Variants in CDH17 observed in about 807,000 individuals in gnomAD.
CDH17 encodes the protein cadherin 17.
CDH17 carries 67 observed loss-of-function variants against 86.3 expected under a neutral mutation model. The ratio of observed to expected loss-of-function variants is 0.78; its 90% CI spans 0.64 to 0.95. CDH17 has a LOEUF of 0.95. Among genes scored for constraint, CDH17 ranks in the 40% least tolerant of loss-of-function variants. The pLI is 0.00. For synonymous variants in CDH17, 367 were observed against 366.4 expected (o/e 1.00, Z -0.02); for missense variants, 993 against 1,017.6 (o/e 0.98, Z 0.33).
chr8:94,193,952 A>AG (rs994960037), intron 2 of CDH17, among the ~76,000 whole-genome samples: 5 of 143,618 alleles, frequency 3.5e-5, no homozygotes, highest in African/African-American at 1.2e-4. Context: ...AAAAAAAAAA[A>AG]AGAGAGCAAA....
intron 17 of CDH17, among the ~76,000 whole-genome samples, chr8:94,129,439 G>A (rs1158068628): frequency 6.6e-6 from 1 of 152,140 alleles, no homozygotes; most frequent in African/African-American, 2.4e-5. Flanking sequence ...CCAGACTGAA[G>A]GGTATAAAGA....
At position 94,127,307 on chromosome 8, in the gene CDH17, A is replaced by C. The variant is rs761128102; in HGVS notation, c.*933T>G. ...AAGAAAACATGCGCAGCATGTATGC[A>C]TGGCAGGTAGTGAGGAAATCTGGCC... On this transcript the variant is annotated 3_prime_UTR_variant, in exon 18 of 18. Transcript: ENST00000027335. The C allele has an allele frequency of 6.6e-6, 1 of 152,274 alleles. No individual in the cohort carries two copies. Among genetic ancestry groups the C allele is most frequent in the Non-Finnish European group, 1.5e-5 (1 of 68,050 alleles). The allele number at this position is 152,274 out of a possible 1,614,324, so 9.4% of individuals were successfully genotyped here.
intron 9 of CDH17, among the ~76,000 whole-genome samples, chr8:94,169,935 T>A (rs1280201583): frequency 6.6e-6 from 1 of 152,190 alleles, no homozygotes; most frequent in South Asian, 2.1e-4. Context: ...GGGTCAAAAG[T>A]CAACTTCCAT....
At chr8:94,185,699 T>TAA (rs138513390) in intron 3 of CDH17, among the ~76,000 whole-genome samples, 5 of 151,702 alleles carry the variant, frequency 3.3e-5, no homozygotes, top group African/African-American at 1.2e-4. Context: ...AGCTTGTAAT[T>TAA]AAAAAAAAAC....
At chr8:94,163,123 C>T (rs538250010) in intron 10 of CDH17, among the ~76,000 whole-genome samples, 8 of 152,308 alleles carry the variant, frequency 5.3e-5, no homozygotes, top group South Asian at 2.1e-4. Flanking sequence ...ATTGTTTACC[C>T]GAGTTACTCA....
At chr8:94,171,663 A>G (rs1813271094) in intron 7 of CDH17, among the ~76,000 whole-genome samples, 1 of 152,204 alleles carries the variant, frequency 6.6e-6, no homozygotes, top group African/African-American at 2.4e-5. Context: ...AATTCTAAAC[A>G]TATTTATGTG....
chr8:94,164,682 C>T (rs1386980894), intron 10 of CDH17, among the ~76,000 whole-genome samples: 1 of 152,170 alleles, frequency 6.6e-6, no homozygotes, highest in Non-Finnish European at 1.5e-5. Flanking sequence ...CTTGTTTGTT[C>T]TCCATACCTG....
intron 12 of CDH17, among the ~76,000 whole-genome samples, chr8:94,158,275 G>A (rs757810616): frequency 1.3e-5 from 2 of 152,080 alleles, no homozygotes; most frequent in Non-Finnish European, 2.9e-5. Flanking sequence ...GTAAGGATGT[G>A]ACAAAGAGTT....
At chr8:94,155,279 C>G (rs907646905) in intron 12 of CDH17, among the ~76,000 whole-genome samples, 5 of 151,870 alleles carry the variant, frequency 3.3e-5, no homozygotes, top group African/African-American at 1.2e-4. Flanking sequence ...GGAGAACAAG[C>G]TGGAGTTTCT....
intron 3 of CDH17, among the ~76,000 whole-genome samples, chr8:94,187,480 G>A (rs773067598): frequency 7.2e-5 from 11 of 152,308 alleles, no homozygotes; most frequent in Non-Finnish European, 1.6e-4. Flanking sequence ...ATAAAAGAAA[G>A]TCTGTGAGAA....
At chr8:94,128,914 A>ATACATCAAAAT (rs1413272435) in intron 17 of CDH17, among the ~76,000 whole-genome samples, 3 of 152,240 alleles carry the variant, frequency 2.0e-5, no homozygotes, top group Admixed American at 2.0e-4. Context: ...CTCCCACCTG[A>ATACATCAAAAT]TACATCAAAA....
At chr8:94,174,302 T>C in intron 5 of CDH17, 42 bp from the exon 6 acceptor site, 3 of 1,495,080 alleles carry the variant, frequency 2.0e-6, no homozygotes, top group Non-Finnish European at 1.8e-6. Flanking sequence ...AAAAAAGATA[T>C]TAATTGAAAC....
intron 12 of CDH17, among the ~76,000 whole-genome samples, chr8:94,152,695 G>A (rs1179679487): frequency 3.3e-5 from 5 of 152,132 alleles, no homozygotes; most frequent in Non-Finnish European, 7.3e-5. Context: ...ACCATGCCTG[G>A]CTGGAATAGA....
chr8:94,186,688 G>A (rs920795917), intron 3 of CDH17, among the ~76,000 whole-genome samples: 13 of 152,118 alleles, frequency 8.5e-5, no homozygotes, highest in African/African-American at 3.1e-4. Context: ...CTCACTTCCC[G>A]TTGAACTATT....
At chr8:94,189,875 T>C (rs3757995) in intron 2 of CDH17, among the ~76,000 whole-genome samples, 75,401 of 152,086 alleles carry the variant, frequency 0.5, 19,023 homozygotes, top group Middle Eastern at 0.55. Flanking sequence ...AAGCTTACTA[T>C]TTTAACATTT....
intron 9 of CDH17, among the ~76,000 whole-genome samples, chr8:94,169,443 G>A (rs940283466): frequency 3.3e-5 from 5 of 152,088 alleles, no homozygotes; most frequent in African/African-American, 7.2e-5. Context: ...TGAGCAAGCC[G>A]CTCCAGCAGC....
chr8:94,213,694 A>T (rs1181107353), intron 1 of CDH17, among the ~76,000 whole-genome samples: 1 of 152,028 alleles, frequency 6.6e-6, no homozygotes, highest in African/African-American at 2.4e-5. Context: ...TTCCATCTTC[A>T]CTGCTCCACT....
chr8:94,216,678 T>C (rs932875489), intron 1 of CDH17, among the ~76,000 whole-genome samples: 1 of 151,424 alleles, frequency 6.6e-6, no homozygotes, highest in African/African-American at 2.4e-5. Context: ...AGGACAGAGG[T>C]AGCTGTACTT....
chr8:94,163,566 G>A (rs115486300), intron 10 of CDH17, among the ~76,000 whole-genome samples: 1,676 of 152,332 alleles, frequency 0.011, 38 homozygotes, highest in African/African-American at 0.038. Flanking sequence ...AGAAAATGCT[G>A]CTTACTGTGC....
Sources: gnomAD v4.1 joint callset for allele counts (sites outside exome capture counted in the v4.1 genomes callset) on GRCh38, gnomAD v4.1.1 for gene constraint, MANE v1.5 for transcripts, NCBI Gene and HGNC (gene_info 2026-07-23, HGNC 2026-07-21) for gene names.